Variants in ZC3H12B observed in about 807,000 individuals in gnomAD.
The protein encoded by ZC3H12B is zinc finger CCCH-type containing 12B.
A neutral mutation model predicts 43.9 loss-of-function variants in ZC3H12B; 7 were observed. The observed-to-expected ratio is 0.16, with a 90% CI of 0.09 to 0.30. The LOEUF is 0.30. Ranked by LOEUF, ZC3H12B falls within the 10% of genes least tolerant of loss-of-function variation. The probability of loss-of-function intolerance (pLI) is 1.00; values close to 1 mark genes in which losing one functional copy is unlikely to be tolerated. For missense variants in ZC3H12B, 475 were observed against 670.2 expected (o/e 0.71, Z 3.22); for synonymous variants, 222 against 241.7 (o/e 0.92, Z 0.76).
At chrX:65,290,343 T>G in the ZC3H12B span, among the ~76,000 whole-genome samples, 2 of 110,585 alleles carry the variant, frequency 1.8e-5, no homozygotes, top group Admixed American at 1.9e-4. Flanking sequence ...AAAAACACAT[T>G]TTGGCAAAGA....
At chrX:65,058,769 G>A in the ZC3H12B span, among the ~76,000 whole-genome samples, 2 of 112,083 alleles carry the variant, frequency 1.8e-5, no homozygotes, top group Non-Finnish European at 3.8e-5. Flanking sequence ...TCAAGCCTCA[G>A]CAGTGGCGGC....
chrX:65,206,362 A>G, the ZC3H12B span, among the ~76,000 whole-genome samples: 68 of 111,887 alleles, frequency 6.1e-4, no homozygotes, highest in African/African-American at 2.1e-3. Flanking sequence ...AAAGCCAAAC[A>G]CTTACAGCCA....
chrX:65,389,203 C>A (rs919162453), intron 2 of ZC3H12B, among the ~76,000 whole-genome samples: 2 of 112,277 alleles, frequency 1.8e-5, no homozygotes, highest in African/African-American at 6.5e-5. Flanking sequence ...GATTCTGCTG[C>A]CTTTTGTTTG....
At chrX:65,148,015 G>A in the ZC3H12B span, among the ~76,000 whole-genome samples, 1 of 110,696 alleles carries the variant, frequency 9.0e-6, no homozygotes, top group East Asian at 2.9e-4. Flanking sequence ...GGTCTCTGGA[G>A]GCTGGTCAAG....
the ZC3H12B span, among the ~76,000 whole-genome samples, chrX:65,259,929 G>T: frequency 8.9e-6 from 1 of 111,868 alleles, no homozygotes; most frequent in South Asian, 3.7e-4. Context: ...CAGCAACCTG[G>T]ATGGAATCGG....
At chrX:65,098,273 G>C in the ZC3H12B span, among the ~76,000 whole-genome samples, 1 of 105,505 alleles carries the variant, frequency 9.5e-6, no homozygotes, top group Non-Finnish European at 1.9e-5. Context: ...TGGAACAGAA[G>C]TTTAGAAAAT....
the ZC3H12B span, among the ~76,000 whole-genome samples, chrX:65,078,886 T>G: frequency 8.9e-6 from 1 of 111,988 alleles, no homozygotes; most frequent in Non-Finnish European, 1.9e-5. Flanking sequence ...CCAATTATAC[T>G]TTTTTAGTTA....
At chrX:65,230,607 G>A in the ZC3H12B span, among the ~76,000 whole-genome samples, 4 of 94,757 alleles carry the variant, frequency 4.2e-5, no homozygotes, top group Non-Finnish European at 8.5e-5. Context: ...CTTTCCCCCA[G>A]CGCCAAAAAA....
chrX:65,426,621 C>A (rs1229750190), intron 3 of ZC3H12B, among the ~76,000 whole-genome samples: 2 of 110,666 alleles, frequency 1.8e-5, no homozygotes, highest in Non-Finnish European at 3.8e-5. Flanking sequence ...TATAAATTTC[C>A]CTCTTAACAC....
chrX:65,164,845 G>A, the ZC3H12B span, among the ~76,000 whole-genome samples: 3 of 111,970 alleles, frequency 2.7e-5, no homozygotes, highest in Non-Finnish European at 3.8e-5. Context: ...CCCATAATAT[G>A]TTTAAAGAAT....
intron 2 of ZC3H12B, among the ~76,000 whole-genome samples, chrX:65,392,694 G>A (rs1367486729): frequency 4.5e-5 from 5 of 111,698 alleles, no homozygotes; most frequent in Admixed American, 9.3e-5. Context: ...TGGCTGCCAC[G>A]TCTGGGAAGT....
the ZC3H12B span, among the ~76,000 whole-genome samples, chrX:65,230,343 A>C: frequency 2.8e-5 from 3 of 108,542 alleles, no homozygotes; most frequent in East Asian, 5.8e-4. Context: ...ATGAGCTCAC[A>C]TGGACGCAGG....
intron 3 of ZC3H12B, among the ~76,000 whole-genome samples, chrX:65,438,612 C>A (rs2067256974): frequency 8.9e-6 from 1 of 112,693 alleles, no homozygotes; most frequent in African/African-American, 3.2e-5. Flanking sequence ...TTATTAACAG[C>A]AAACCAGTCA....
At chrX:65,096,663 G>T in the ZC3H12B span, among the ~76,000 whole-genome samples, 3 of 111,212 alleles carry the variant, frequency 2.7e-5, no homozygotes, top group Non-Finnish European at 5.7e-5. Context: ...TTGGCCTTTT[G>T]GCTAAGAAAG....
At chrX:65,142,272 T>A in the ZC3H12B span, among the ~76,000 whole-genome samples, 4 of 112,434 alleles carry the variant, frequency 3.6e-5, no homozygotes, top group African/African-American at 9.7e-5. Context: ...GAACATTTTT[T>A]AAATATACTT....
chrX:65,071,498 G>A, the ZC3H12B span, among the ~76,000 whole-genome samples: 2 of 110,396 alleles, frequency 1.8e-5, no homozygotes, highest in South Asian at 7.8e-4. Flanking sequence ...CTGTCATTAT[G>A]TTAGCTAGTT....
intron 3 of ZC3H12B, among the ~76,000 whole-genome samples, chrX:65,463,712 G>A (rs955223158): frequency 7.2e-5 from 8 of 110,364 alleles, no homozygotes; most frequent in Non-Finnish European, 1.3e-4. Flanking sequence ...CTCCCACTGC[G>A]CATTCTTTTG....
chrX:65,378,245 G>C (rs1487740915), intron 2 of ZC3H12B, among the ~76,000 whole-genome samples: 1 of 111,241 alleles, frequency 9.0e-6, no homozygotes, highest in Non-Finnish European at 1.9e-5. Flanking sequence ...CAATCAAAAA[G>C]AACTACAACT....
chrX:65,468,650 A>ATTTTT (rs60716703), intron 3 of ZC3H12B, among the ~76,000 whole-genome samples: 5 of 74,933 alleles, frequency 6.7e-5, no homozygotes, highest in African/African-American at 1.8e-4. Context: ...TGCCCGGCTA[A>ATTTTT]TTTTTTTTTT....
Sources: gnomAD v4.1 joint callset for allele counts (sites outside exome capture counted in the v4.1 genomes callset) on GRCh38, gnomAD v4.1.1 for gene constraint, MANE v1.5 for transcripts, NCBI Gene and HGNC (gene_info 2026-07-23, HGNC 2026-07-21) for gene names.